SPOCK3: variants seen among roughly 807,000 people sequenced by gnomAD.
SPOCK3 encodes the protein SPARC (osteonectin), cwcv and kazal like domains proteoglycan 3.
In SPOCK3, 30 loss-of-function variants were observed where a neutral mutation model predicts 56.6. That is an observed-to-expected ratio of 0.53 (90% CI 0.40 to 0.72). The LOEUF (loss-of-function observed/expected upper bound fraction) is 0.72, where lower values mean the gene tolerates loss of function less well. Among genes scored for constraint, SPOCK3 ranks in the 30% least tolerant of loss-of-function variants. SPOCK3 has a pLI of 0.00. For missense variants in SPOCK3, 527 were observed against 530.0 expected (o/e 0.99, Z 0.06); for synonymous variants, 196 against 183.3 (o/e 1.07, Z -0.56).
intron 7 of SPOCK3, among the ~76,000 whole-genome samples, chr4:166,769,672 A>G (rs966974642): frequency 2.6e-5 from 4 of 152,122 alleles, no homozygotes; most frequent in African/African-American, 9.7e-5. Context: ...CCGTTCTCAG[A>G]TCTCAAACTC....
intron 3 of SPOCK3, among the ~76,000 whole-genome samples, chr4:167,009,738 A>C (rs1749839035): frequency 6.6e-6 from 1 of 152,154 alleles, no homozygotes; most frequent in Non-Finnish European, 1.5e-5. Context: ...AAAAATCCAA[A>C]TTTAATCCAC....
At chr4:167,155,772 G>A (rs1764766589) in intron 2 of SPOCK3, among the ~76,000 whole-genome samples, 1 of 152,072 alleles carries the variant, frequency 6.6e-6, no homozygotes, top group Non-Finnish European at 1.5e-5. Context: ...AAGACATAAT[G>A]CAGCTGTATC....
At chr4:166,972,952 A>G (rs1233878915) in intron 4 of SPOCK3, among the ~76,000 whole-genome samples, 2 of 152,144 alleles carry the variant, frequency 1.3e-5, no homozygotes, top group Admixed American at 1.3e-4. Context: ...AACTACAAAC[A>G]ATGGCTTAGG....
chr4:166,958,283 T>C (rs1579804068), intron 4 of SPOCK3, among the ~76,000 whole-genome samples: 1 of 152,190 alleles, frequency 6.6e-6, no homozygotes, highest in African/African-American at 2.4e-5. Context: ...CCCTCTGCTT[T>C]CTGCCATGAT....
chr4:167,195,854 T>C (rs189047171), intron 2 of SPOCK3, among the ~76,000 whole-genome samples: 124 of 152,300 alleles, frequency 8.1e-4, no homozygotes, highest in Admixed American at 1.6e-3. Context: ...CACAACCGAA[T>C]ACCTGAGTCC....
At chr4:166,921,548 C>T (rs930355997) in intron 4 of SPOCK3, among the ~76,000 whole-genome samples, 1 of 152,080 alleles carries the variant, frequency 6.6e-6, no homozygotes, top group Non-Finnish European at 1.5e-5. Flanking sequence ...AATCTCTTGA[C>T]CTTGTGATCC....
At chr4:166,941,405 A>G (rs1431346106) in intron 4 of SPOCK3, among the ~76,000 whole-genome samples, 1 of 152,220 alleles carries the variant, frequency 6.6e-6, no homozygotes, top group African/African-American at 2.4e-5. Flanking sequence ...TATGTCTTGT[A>G]ACTGTTTCCT....
chr4:167,223,374 T>C (rs1198394378), intron 2 of SPOCK3, among the ~76,000 whole-genome samples: 1 of 146,880 alleles, frequency 6.8e-6, no homozygotes, highest in African/African-American at 2.5e-5. Flanking sequence ...TATAAATATA[T>C]ATTTATAGAG....
At chr4:166,864,323 A>G (rs1180167129) in intron 6 of SPOCK3, among the ~76,000 whole-genome samples, 1 of 152,208 alleles carries the variant, frequency 6.6e-6, no homozygotes, top group East Asian at 1.9e-4. Context: ...CCCATATCAG[A>G]AGGCTGGAAA....
chr4:167,215,099 G>A (rs1310446673), intron 2 of SPOCK3, among the ~76,000 whole-genome samples: 1 of 151,934 alleles, frequency 6.6e-6, no homozygotes, highest in Non-Finnish European at 1.5e-5. Flanking sequence ...AGGAAAGACT[G>A]TCTAGAAATT....
intron 7 of SPOCK3, among the ~76,000 whole-genome samples, chr4:166,767,983 T>A (rs957430822): frequency 1.1e-4 from 16 of 151,308 alleles, no homozygotes; most frequent in Non-Finnish European, 2.2e-4. Context: ...TGGTTTAAAG[T>A]CTGTTTTATC....
intron 6 of SPOCK3, among the ~76,000 whole-genome samples, chr4:166,793,091 C>T (rs1425658345): frequency 6.6e-6 from 1 of 151,982 alleles, no homozygotes; most frequent in Non-Finnish European, 1.5e-5. Flanking sequence ...TTTTGAAAGC[C>T]ACTAATTTAC....
At chr4:167,232,486 A>G (rs1201192467) in intron 2 of SPOCK3, among the ~76,000 whole-genome samples, 1 of 152,246 alleles carries the variant, frequency 6.6e-6, no homozygotes. Context: ...ATGAAATGTC[A>G]TAATGTCAAA....
chr4:167,052,699 T>C (rs911250990), intron 3 of SPOCK3, among the ~76,000 whole-genome samples: 3 of 152,134 alleles, frequency 2.0e-5, no homozygotes, highest in Admixed American at 1.3e-4. Flanking sequence ...CATGCCCCTA[T>C]TGTGAAGCAT....
At chr4:167,182,822 C>A (rs1035301973) in intron 2 of SPOCK3, among the ~76,000 whole-genome samples, 2 of 152,206 alleles carry the variant, frequency 1.3e-5, no homozygotes, top group Non-Finnish European at 2.9e-5. Flanking sequence ...AGGCGTGAGC[C>A]ACTGTGCCCG....
intron 2 of SPOCK3, among the ~76,000 whole-genome samples, chr4:167,232,321 C>A (rs1365454001): frequency 6.6e-6 from 1 of 150,516 alleles, no homozygotes; most frequent in East Asian, 2.0e-4. Context: ...ATTCTCCCAG[C>A]GAGGAATCTT....
intron 2 of SPOCK3, among the ~76,000 whole-genome samples, chr4:167,098,662 G>GC (rs1759371007): frequency 3.3e-5 from 5 of 149,818 alleles, no homozygotes. Flanking sequence ...TTCCAACCTT[G>GC]TTTTTTTTTC....
intron 2 of SPOCK3, among the ~76,000 whole-genome samples, chr4:167,205,199 TAA>T (rs1491447438): frequency 6.9e-3 from 678 of 98,374 alleles, no homozygotes; most frequent in Admixed American, 0.018. Context: ...TTTATATCTA[TAA>T]TATATATTAT....
intron 2 of SPOCK3, among the ~76,000 whole-genome samples, chr4:167,130,074 G>A (rs1274853305): frequency 2.6e-5 from 4 of 152,002 alleles, no homozygotes. Flanking sequence ...GGAGTGCAGT[G>A]GCATAATCAT....
Sources: allele counts gnomAD v4.1 joint callset (sites outside exome capture counted in the v4.1 genomes callset), GRCh38; gene constraint gnomAD v4.1.1; transcripts MANE v1.5; gene names NCBI Gene and HGNC (gene_info 2026-07-23, HGNC 2026-07-21).